The following SERPINB13 variants were observed in gnomAD, a reference collection of about 807,000 sequenced individuals.
SERPINB13 encodes serpin B13.
Under a neutral mutation model 31.2 loss-of-function variants are expected in SERPINB13, and 26 were observed. The observed-to-expected ratio is 0.83, with a 90% CI of 0.61 to 1.15. The LOEUF is 1.15. Ranked by LOEUF, SERPINB13 falls within the 50% of genes most tolerant of loss-of-function variation. The probability of loss-of-function intolerance (pLI) is 0.00; values close to 1 mark genes in which losing one functional copy is unlikely to be tolerated. For missense variants in SERPINB13, 510 were observed against 469.4 expected, an observed-to-expected ratio of 1.09 and a Z score of -0.80; for synonymous variants, 191 against 172.4, an observed-to-expected ratio of 1.11 and a Z score of -0.85.
rs1166040045 is a variant in SERPINB13 at position 63,594,227 on chromosome 18, C to CA, written c.473-126dup. 3 of 1,547,684 alleles carry CA rather than the reference C, an allele frequency of 1.9e-6. No homozygotes were observed. In the Admixed American group the frequency reaches 5.8e-5, roughly 30 times the overall value. On this transcript the variant is annotated intron_variant, in intron 5 of 7. Transcript: ENST00000344731. ...ATTCTGCCAGCAAACCCTTTGTCAG[C>CA]AAGGCCCTCAGGTGCTGACCTGGCT...
At chr18:63,592,195 G>C (rs1195823496) in intron 3 of SERPINB13, among the ~76,000 whole-genome samples, 153 bp from the exon 4 acceptor site, 3 of 152,134 alleles carry the variant, frequency 2.0e-5, no homozygotes, top group African/African-American at 7.2e-5. Flanking sequence ...CTTGGGTAAA[G>C]GCTACCTGAT....
intron 2 of SERPINB13, among the ~76,000 whole-genome samples, 193 bp from the exon 3 acceptor site, chr18:63,589,463 A>G (rs1002989159): frequency 9.7e-6 from 1 of 102,896 alleles, no homozygotes; most frequent in African/African-American, 2.7e-5. Context: ...ACACACACAC[A>G]CACACACACA....
intron 2 of SERPINB13, among the ~76,000 whole-genome samples, chr18:63,589,146 C>T (rs1440276286): frequency 6.6e-6 from 1 of 152,128 alleles, no homozygotes; most frequent in African/African-American, 2.4e-5. Flanking sequence ...CCAAGATGAA[C>T]ACAGGAACAC....
In SERPINB13 at chr18:63,595,902, T is replaced by TTAAATAAA. The variant is rs57781505; in HGVS notation, c.771+760_771+767dup. 1.0e-3 allele frequency among the ~76,000 whole-genome samples: 146 copies of TTAAATAAA among 143,012 alleles called. 1 individual carries two copies. The highest frequency in any genetic ancestry group is 4.8e-3 in the South Asian group (21 of 4,330). The allele number at this position is 143,012 out of a possible 152,430, so 93.8% of individuals were successfully genotyped here. On this transcript the variant is annotated intron_variant, in intron 7 of 7. Transcript: ENST00000344731. ...GACAGAACGAGACTCTGTCTCAAAA[T>TTAAATAAA]TAAATAAATAAATAAATAAATAAAT...
At position 63,597,276 on chromosome 18, in the gene SERPINB13, T is replaced by C. The variant is rs1912239460; in HGVS notation, c.1089T>C (p.Asn363=). 1 of 1,614,162 alleles carries C rather than the reference T, an allele frequency of 6.2e-7. No homozygotes were observed. The highest frequency in any genetic ancestry group is 2.2e-5 in the East Asian group (1 of 44,878). The change falls in exon 8 of 8, where the codon AAT becomes AAC. Residue 363 remains asparagine (N), a synonymous_variant. Transcript: ENST00000344731. The part of the protein sequence containing the change: ...FTVTSAPGHE[N]VHCNHPFLFF... ...TCACATCCGCCCCAGGTCATGAAAA[T>C]GTTCACTGCAATCATCCCTTCCTGT... is the stretch of plus-strand genomic sequence containing the variant.
rs762255341 is a variant in SERPINB13 at position 63,589,676 on chromosome 18, G to C, written c.186G>C (p.Glu62Asp). ...TCCAGGTGTTTCACTCTGAAAAAGA[G>C]ACGAAGAGCTCAAGAATAAAGGCTG... ...QLEEVFHSEK[E>D]TKSSRIKAEE... The change falls in exon 3 of 8, where the codon GAG (glutamate) becomes GAC (aspartate). Residue 62 changes from glutamate (E) to aspartate (D), a missense_variant. Glu to Asp is a conservative substitution (Grantham distance 45). Transcript: ENST00000344731. 14 of 1,613,674 alleles carry C rather than the reference G, an allele frequency of 8.7e-6. No individual in the cohort carries two copies. Among genetic ancestry groups the C allele is most frequent in the Non-Finnish European group, 1.1e-5 (13 of 1,179,872 alleles).
Position 63,592,462 on chromosome 18 carries a change from T to TA in SERPINB13, c.341dup (p.Tyr114Ter), listed in dbSNP as rs1911911724. The TA allele has an allele frequency of 6.2e-7, 1 of 1,613,228 alleles. No homozygotes were observed. Among genetic ancestry groups the TA allele is most frequent in the African/African-American group, 1.3e-5 (1 of 74,980 alleles). The change falls in exon 4 of 8, where the codon TAC becomes TAAC. Residue 114 changes from tyrosine (Y) to a stop codon, truncating the protein, a stop_gained and frameshift_variant. Coordinates refer to ENST00000344731, the MANE Select transcript of SERPINB13 (RefSeq NM_012397.4). LOFTEE classifies it high-confidence loss of function. ...CAACAGGCTGTTTGGAGAAAAAACA[T>TA]ACCTCTTCCTTCAAGTAAGTTTGCC... is the stretch of plus-strand genomic sequence containing the variant. ...ITNRLFGEKT[Y>*]LFLQKYLDYV...
chr18:63,587,345 T>C lies in SERPINB13; in HGVS notation c.-123T>C. The C allele has an allele frequency of 2.2e-6, 1 of 458,576 alleles. No individual in the cohort carries two copies. The allele number at this position is 458,576 out of a possible 1,614,324, so 28.4% of individuals were successfully genotyped here. A position where few individuals can be genotyped will look rare whatever the true frequency, so the allele number is the denominator to read the frequency against. On this transcript the variant is annotated 5_prime_UTR_variant, in exon 1 of 8. Transcript: ENST00000344731. ...AGGTGCACGCAAGGTGGAAAACCAC[T>C]GCTGAAGCAGATGTGGAGAACTATA...
At chr18:63,590,603 G>A (rs1227681339) in intron 3 of SERPINB13, among the ~76,000 whole-genome samples, 2 of 152,218 alleles carry the variant, frequency 1.3e-5, no homozygotes, top group Non-Finnish European at 2.9e-5. Context: ...GTTGTCTTCA[G>A]AGCACATTCT....
At position 63,588,847 on chromosome 18, in the gene SERPINB13, G is replaced by A. The variant is rs1911669238; in HGVS notation, c.165+15G>A. 1 of 1,609,488 alleles carries A rather than the reference G, an allele frequency of 6.2e-7. No individual in the cohort carries two copies. Among genetic ancestry groups the A allele is most frequent in the South Asian group, 1.1e-5 (1 of 90,816 alleles). Reference sequence around the variant, plus strand: ...AGTTGGAGGAGGTTGGGCGCAGTCAGGGGGCTTCCTTGTTTCCTATGCACA... The same window carrying A: ...AGTTGGAGGAGGTTGGGCGCAGTCAAGGGGCTTCCTTGTTTCCTATGCACA... On this transcript the variant is annotated intron_variant, in intron 2 of 7. Transcript: ENST00000344731.
chr18:63,592,518 G>A, intron 4 of SERPINB13, 42 bp downstream of exon 4: 1 of 1,600,532 alleles, frequency 6.2e-7, no homozygotes, highest in Non-Finnish European at 8.5e-7. Flanking sequence ...TGGTATTCTG[G>A]AATGGCCAAA....
At chr18:63,591,921 G>A (rs1911878166) in intron 3 of SERPINB13, among the ~76,000 whole-genome samples, 1 of 152,042 alleles carries the variant, frequency 6.6e-6, no homozygotes, top group Admixed American at 6.6e-5. Context: ...CATACCATTA[G>A]GAGTCACTCT....
At chr18:63,587,492 TGA>T (rs940810553) in intron 1 of SERPINB13, 42 bp downstream of exon 1, 6 of 462,536 alleles carry the variant, frequency 1.3e-5, no homozygotes, top group African/African-American at 1.2e-4. Flanking sequence ...CTCTGTATTT[TGA>T]GAACAATGAT....
At chr18:63,594,079 TG>T (rs1290953453) in intron 5 of SERPINB13, 1 of 1,160,484 alleles carries the variant, frequency 8.6e-7, no homozygotes, top group Non-Finnish European at 1.2e-6. Flanking sequence ...ATTCCTCAGC[TG>T]ATAAGAGGCA....
chr18:63,594,557 A>G, intron 6 of SERPINB13, 60 bp downstream of exon 6: 1 of 1,574,118 alleles, frequency 6.4e-7, no homozygotes, highest in Non-Finnish European at 8.6e-7. Flanking sequence ...GTCTAAAGTC[A>G]TGGCTGGGCG....
At chr18:63,594,283 C>T in intron 5 of SERPINB13, 72 bp from the exon 6 acceptor site, 1 of 1,599,330 alleles carries the variant, frequency 6.3e-7, no homozygotes, top group Non-Finnish European at 8.5e-7. Context: ...AGTCCATCTG[C>T]ATCATATTTG....
At chr18:63,596,097 C>T (rs941379106) in intron 7 of SERPINB13, among the ~76,000 whole-genome samples, 3 of 152,026 alleles carry the variant, frequency 2.0e-5, no homozygotes, top group East Asian at 1.9e-4. Context: ...TGGTGGTTAA[C>T]GTGCAGCAGT....
Position 63,589,687 on chromosome 18 carries a change from C to A in SERPINB13, c.197C>A (p.Ser66Ter). 6.2e-7 allele frequency: 1 copy of A among 1,613,162 alleles called. No homozygotes were observed. Among genetic ancestry groups the A allele is most frequent in the Non-Finnish European group, 8.5e-7 (1 of 1,179,612 alleles). ...VFHSEKETKS[S>*]RIKAEEKEVI... is the part of the protein sequence containing the mutation. ...CACTCTGAAAAAGAGACGAAGAGCT[C>A]AAGAATAAAGGCTGAAGAAAAAGAG... The change falls in exon 3 of 8, where the codon TCA becomes TAA. Residue 66 changes from serine (S) to a stop codon, truncating the protein, a stop_gained. Transcript: ENST00000344731. LOFTEE classifies it high-confidence loss of function.
chr18:63,592,918 CA>C lies in SERPINB13; in HGVS notation c.420del (p.Ala141ProfsTer38). The C allele has an allele frequency of 6.2e-7, 1 of 1,613,306 alleles. No individual in the cohort carries two copies. The highest frequency in any genetic ancestry group is 8.5e-7 in the Non-Finnish European group (1 of 1,179,526). ...CTGGAACCTGTTGATTTTGTAAATG[CA>C]GCCGATGAAAGTCGAAAGAAGATTA... is the stretch of plus-strand genomic sequence containing the variant. ...ASLEPVDFVN[A>X]ADESRKKINS... On this transcript the variant is annotated frameshift_variant, in exon 5 of 8. Transcript: ENST00000344731. LOFTEE classifies it high-confidence loss of function.
Sources: gnomAD v4.1 joint callset for allele counts (sites outside exome capture counted in the v4.1 genomes callset) on GRCh38, gnomAD v4.1.1 for gene constraint, MANE v1.5 for transcripts, NCBI Gene and HGNC (gene_info 2026-07-23, HGNC 2026-07-21) for gene names.